The following SBK1 variants were observed in gnomAD, a reference collection of about 807,000 sequenced individuals.
The protein encoded by SBK1 is SH3 domain binding kinase 1.
Under a neutral mutation model 24.4 loss-of-function variants are expected in SBK1, and 11 were observed. That is an observed-to-expected ratio of 0.45 (90% CI 0.28 to 0.75). SBK1 has a LOEUF of 0.75. SBK1 is among the 30% of genes least tolerant of loss of function. The pLI, the probability that SBK1 is intolerant of heterozygous loss-of-function variation, is 0.12. For synonymous variants in SBK1, 308 were observed against 284.4 expected (o/e 1.08, Z -0.83); for missense variants, 467 against 620.5 (o/e 0.75, Z 2.63).
intron 1 of SBK1, among the ~76,000 whole-genome samples, chr16:28,304,537 A>C (rs2044701936): frequency 6.6e-6 from 1 of 152,208 alleles, no homozygotes; most frequent in African/African-American, 2.4e-5. Flanking sequence ...GCTGCCATGA[A>C]GATTGATTGA....
At chr16:28,290,017 T>C (rs1447525453), upstream of SBK1, among the ~76,000 whole-genome samples, 1 of 150,762 alleles carries the variant, frequency 6.6e-6, no homozygotes, top group Non-Finnish European at 1.5e-5. Context: ...TCCCAGGAGG[T>C]TGAGGCTGTA....
At chr16:28,267,500 A>G (rs998418379) in intron 1 of SBK1, among the ~76,000 whole-genome samples, 5 of 152,202 alleles carry the variant, frequency 3.3e-5, no homozygotes, top group African/African-American at 1.2e-4. Flanking sequence ...TTTGCCATGG[A>G]AGGTAACATG....
chr16:28,300,815 T>TTA (rs2044673458), intron 1 of SBK1, among the ~76,000 whole-genome samples: 1 of 152,210 alleles, frequency 6.6e-6, no homozygotes, highest in African/African-American at 2.4e-5. Context: ...TTATTTCACT[T>TTA]TACTGAGGAT....
chr16:28,262,487 T>C (rs2044403797), intron 1 of SBK1, among the ~76,000 whole-genome samples: 1 of 152,206 alleles, frequency 6.6e-6, no homozygotes, highest in African/African-American at 2.4e-5. Context: ...GTGGATTCAG[T>C]ACATTTTCCC....
At chr16:28,288,382 AG>A (rs948393878), upstream of SBK1, among the ~76,000 whole-genome samples, 1 of 152,144 alleles carries the variant, frequency 6.6e-6, no homozygotes, top group Non-Finnish European at 1.5e-5. Context: ...GCACATTTTC[AG>A]GGCCGTCACC....
rs1010540851 is a variant in SBK1, at chr16:28,317,310, G to A, written c.-7-75G>A. The A allele has an allele frequency of 3.1e-5, 36 of 1,149,676 alleles. No individual in the cohort carries two copies. The highest frequency in any genetic ancestry group is 4.3e-5 in the Non-Finnish European group (34 of 781,750). The allele number at this position is 1,149,676 out of a possible 1,614,324, so 71.2% of individuals were successfully genotyped here. On this transcript the variant is annotated intron_variant, in intron 1 of 3. Transcript: ENST00000341901. This position sits in a 1 kb window ranked among gnomAD's most constrained non-coding sequence, Gnocchi z 4.2. The stretch of plus-strand genomic sequence containing the variant: ...CCCATCCTCAAGTTTTCTGGGTTCT[G>A]GGGAGGGCAGAGGGGCTGGAGGAGG...
intron 1 of SBK1, among the ~76,000 whole-genome samples, chr16:28,299,779 G>A (rs2044666668): frequency 6.6e-6 from 1 of 152,210 alleles, no homozygotes; most frequent in South Asian, 2.1e-4. Flanking sequence ...TCAGGTTTGG[G>A]GTTTGGAGTG....
chr16:28,294,851 G>T (rs1156966800), intron 1 of SBK1, among the ~76,000 whole-genome samples: 1 of 152,242 alleles, frequency 6.6e-6, no homozygotes, highest in Non-Finnish European at 1.5e-5. Flanking sequence ...CCAATTTCAG[G>T]ACAGTTGAGG....
At chr16:28,315,130 T>C (rs765739305) in intron 1 of SBK1, among the ~76,000 whole-genome samples, 1 of 151,974 alleles carries the variant, frequency 6.6e-6, no homozygotes, top group Non-Finnish European at 1.5e-5. Flanking sequence ...TACATACTCA[T>C]GTGTGCCTGC....
At chr16:28,283,085 A>G (rs1315845083) in intron 1 of SBK1, among the ~76,000 whole-genome samples, 1 of 151,978 alleles carries the variant, frequency 6.6e-6, no homozygotes, top group African/African-American at 2.4e-5. Flanking sequence ...GGTGTGCACC[A>G]CCACACCCTG....
At chr16:28,315,672 G>T (rs1047034257) in intron 1 of SBK1, among the ~76,000 whole-genome samples, 2 of 152,160 alleles carry the variant, frequency 1.3e-5, no homozygotes, top group Non-Finnish European at 2.9e-5. Flanking sequence ...GAGGCAGGAG[G>T]ATCCCTTGAG....
rs1342751862 is a variant in SBK1 at position 28,322,603 on chromosome 16, A to G, written c.*1682A>G. 3 of 152,936 alleles carry G rather than the reference A, an allele frequency of 2.0e-5. No homozygotes were observed. Among genetic ancestry groups the G allele is most frequent in the Non-Finnish European group, 4.4e-5 (3 of 68,234 alleles). 9.5% of individuals were successfully genotyped at this position (152,936 alleles called of 1,614,324 possible). A position where few individuals can be genotyped will look rare whatever the true frequency, so the allele number is the denominator to read the frequency against. On this transcript the variant is annotated 3_prime_UTR_variant, in exon 4 of 4. Transcript: ENST00000341901. ...CCCTGCCCGGGTCCAGTTTACAAAC[A>G]GTGTGGGGTGGCCCCAGGGCCTGGC...
rs2044610445 is a variant in SBK1, at chr16:28,292,809, A to T, written c.-499A>T. On this transcript the variant is annotated 5_prime_UTR_variant, in exon 1 of 4. Coordinates refer to ENST00000341901, the MANE Select transcript of SBK1 (RefSeq NM_001024401.3). ...CGGGGAAGAGGGGGGGCCCTCCCGG[A>T]TCCGACACCGAGCGACTCCCCTGCG... The T allele has an allele frequency of 5.1e-6, 5 of 985,260 alleles. No homozygotes were observed. The highest frequency in any genetic ancestry group is 4.8e-6 in the Non-Finnish European group (4 of 829,850). 61.0% of individuals were successfully genotyped at this position (985,260 alleles called of 1,614,324 possible). A position where few individuals can be genotyped will look rare whatever the true frequency, so the allele number is the denominator to read the frequency against.
At chr16:28,315,700 G>A (rs2044790110) in intron 1 of SBK1, among the ~76,000 whole-genome samples, 1 of 152,186 alleles carries the variant, frequency 6.6e-6, no homozygotes, top group African/African-American at 2.4e-5. Context: ...GTTCGAGGCT[G>A]CAGTGAGCTA....
rs1412605755 is a variant in SBK1, at chr16:28,319,248, G to A, written c.429+51G>A. The A allele has an allele frequency of 2.8e-6, 4 of 1,409,726 alleles. No individual in the cohort carries two copies. The East Asian group carries it at 6.8e-5, about 24-fold the overall frequency. The allele number at this position is 1,409,726 out of a possible 1,614,324, so 87.3% of individuals were successfully genotyped here. On this transcript the variant is annotated intron_variant, in intron 3 of 3. Coordinates refer to ENST00000341901, the MANE Select transcript of SBK1 (RefSeq NM_001024401.3). This position sits in a 1 kb window ranked among gnomAD's most constrained non-coding sequence, Gnocchi z 4.0. ...GGGAAAGGGTCTTCAGGGTCCCAGA[G>A]TGTGAGAGTGGGAGTGGAGTCAGAC...
intron 1 of SBK1, among the ~76,000 whole-genome samples, chr16:28,283,288 A>G (rs555421434): frequency 2.1e-4 from 32 of 152,272 alleles, no homozygotes; most frequent in African/African-American, 7.7e-4. Context: ...CAGAGACCAA[A>G]GTCCAACTGA....
rs1020131573 is a variant in SBK1 at position 28,259,353 on chromosome 16, G to A, written c.108G>A (p.Ala36=). Residue 36 remains alanine (A), a synonymous_variant, in exon 1 of 4, where the codon GCG becomes GCA. Coordinates refer to the SBK1 transcript ENST00000671413. The surrounding 1 kb of genome is among the most constrained non-coding windows in gnomAD (Gnocchi z 6.0). The stretch of plus-strand genomic sequence containing the variant: ...CTGCCCAGGCTGGCGATGATGCTGC[G>A]GAGGCCACCCCTGGCCACCCCTGCC... The A allele has an allele frequency of 9.8e-5, 61 of 624,190 alleles. No individual in the cohort carries two copies. Among genetic ancestry groups the A allele is most frequent in the African/African-American group, 9.7e-4 (49 of 50,288 alleles). 38.7% of individuals were successfully genotyped at this position (624,190 alleles called of 1,614,324 possible).
chr16:28,292,862 A>G lies in SBK1; in HGVS notation c.-446A>G, dbSNP rs1326971603. 2 of 983,974 alleles carry G rather than the reference A, an allele frequency of 2.0e-6. No individual in the cohort carries two copies. Among genetic ancestry groups the G allele is most frequent in the Admixed American group, 6.2e-5 (1 of 16,260 alleles). 61.0% of individuals were successfully genotyped at this position (983,974 alleles called of 1,614,324 possible). A position where few individuals can be genotyped will look rare whatever the true frequency, so the allele number is the denominator to read the frequency against. On this transcript the variant is annotated 5_prime_UTR_variant, in exon 1 of 4. Coordinates refer to ENST00000341901, the MANE Select transcript of SBK1 (RefSeq NM_001024401.3). Reference sequence around the variant, plus strand: ...GAAAGCGGAGACTTCCTCGGTATTTAGAAGACAGCAAGCCCCCTACGGCAC... The same window carrying G: ...GAAAGCGGAGACTTCCTCGGTATTTGGAAGACAGCAAGCCCCCTACGGCAC...
At chr16:28,271,653 A>G (rs577923450) in intron 1 of SBK1, among the ~76,000 whole-genome samples, 1 of 152,324 alleles carries the variant, frequency 6.6e-6, no homozygotes, top group South Asian at 2.1e-4. Context: ...CACTCAAATA[A>G]GAGAAGAGAT....
Sources: gnomAD v4.1 joint callset for allele counts (sites outside exome capture counted in the v4.1 genomes callset) on GRCh38, gnomAD v4.1.1 for gene constraint, Gnocchi (gnomAD v3.1) non-coding constraint, MANE v1.5 for transcripts, NCBI Gene and HGNC (gene_info 2026-07-23, HGNC 2026-07-21) for gene names.